SIM1: variants seen among roughly 807,000 people sequenced by gnomAD.
SIM1 encodes the protein single-minded homolog 1.
A neutral mutation model predicts 78.2 loss-of-function variants in SIM1; 18 were observed. The ratio of observed to expected loss-of-function variants is 0.23; its 90% confidence interval spans 0.16 to 0.34. SIM1 has a LOEUF of 0.34. SIM1 is among the 10% of genes least tolerant of loss of function. The pLI is 1.00. For missense variants in SIM1, 939 were observed against 975.1 expected (o/e 0.96, Z 0.49); for synonymous variants, 417 against 385.2 (o/e 1.08, Z -0.97).
chr6:100,458,385 T>A (rs1772743789), intron 2 of SIM1, among the ~76,000 whole-genome samples: 1 of 151,720 alleles, frequency 6.6e-6, no homozygotes, highest in African/African-American at 2.4e-5. Context: ...GAATCCCACT[T>A]AGGTTCTACT....
chr6:100,449,751 G>A, intron 4 of SIM1, 52 bp from the exon 5 acceptor site: 3 of 1,460,754 alleles, frequency 2.1e-6, no homozygotes, highest in Non-Finnish European at 2.9e-6. Context: ...GCCCGGTGAA[G>A]GGACTGAAAG....
At chr6:100,457,002 C>T (rs1772681650) in intron 2 of SIM1, among the ~76,000 whole-genome samples, 2 of 152,142 alleles carry the variant, frequency 1.3e-5, no homozygotes, top group Admixed American at 1.3e-4. Flanking sequence ...CCATTTAGGC[C>T]CGTTCTTGGC....
chr6:100,407,593 C>T (rs1003104024), intron 10 of SIM1, among the ~76,000 whole-genome samples: 1 of 152,116 alleles, frequency 6.6e-6, no homozygotes, highest in South Asian at 2.1e-4. Context: ...CTTTTCTGCA[C>T]ATCTTTGTCA....
intron 9 of SIM1, among the ~76,000 whole-genome samples, chr6:100,421,919 C>T (rs1771598722): frequency 6.6e-6 from 1 of 152,130 alleles, no homozygotes; most frequent in African/African-American, 2.4e-5. Flanking sequence ...CGCTGGGCTG[C>T]CCCTCGGTAA....
At chr6:100,422,656 T>A (rs1361988071) in intron 9 of SIM1, among the ~76,000 whole-genome samples, 1 of 152,016 alleles carries the variant, frequency 6.6e-6, no homozygotes, top group African/African-American at 2.4e-5. Flanking sequence ...TACTTGAAAA[T>A]CGCTAATAGA....
chr6:100,423,447 T>C (rs1771646128), intron 9 of SIM1, among the ~76,000 whole-genome samples: 1 of 152,160 alleles, frequency 6.6e-6, no homozygotes, highest in Non-Finnish European at 1.5e-5. Context: ...CTACCCCTCA[T>C]GAAGAAGGTA....
At position 100,391,108 on chromosome 6, in the gene SIM1, G is replaced by A; in HGVS notation, c.1571-17C>T. The A allele has an allele frequency of 6.4e-7, 1 of 1,555,100 alleles. No homozygotes were observed. ...GACCTCGCCCTAAAAATTAGAAAAA[G>A]TCAAAAGTAAGTGATCTCAGAATTC... On this transcript the variant is annotated splice_polypyrimidine_tract_variant and intron_variant, in intron 11 of 11. Transcript: ENST00000369208.
At chr6:100,453,957 T>C (rs775926824) in intron 2 of SIM1, 113 bp from the exon 3 acceptor site, 16 of 647,540 alleles carry the variant, frequency 2.5e-5, no homozygotes, top group Admixed American at 9.5e-5. Context: ...CTGGATACCA[T>C]AGGGGATCCC....
chr6:100,397,495 C>T (rs1428952241), intron 10 of SIM1, among the ~76,000 whole-genome samples: 2 of 151,974 alleles, frequency 1.3e-5, no homozygotes, highest in Non-Finnish European at 2.9e-5. Flanking sequence ...AAATCTCAAC[C>T]TGAGTGTCAC....
At position 100,412,047 on chromosome 6, in the gene SIM1, C is replaced by A. The variant is rs542495821; in HGVS notation, c.1167+8743G>T. Among the ~76,000 whole-genome samples the A allele has an allele frequency of 2.5e-3, 378 of 152,142 alleles. 3 individuals carry two copies. Among genetic ancestry groups the A allele is most frequent in the Non-Finnish European group, 4.1e-3 (279 of 68,006 alleles). ...AATTATAAATGACCTTGAGGAACAG[C>A]TAGGGCAGTGGTGGGTCTCCAAGTA... is the stretch of plus-strand genomic sequence containing the variant. On this transcript the variant is annotated intron_variant, in intron 10 of 11. Coordinates refer to ENST00000369208, the MANE Select transcript of SIM1 (RefSeq NM_005068.3).
At position 100,461,837 on chromosome 6, in the gene SIM1, CTTTCTT is replaced by C. The variant is rs1376372102; in HGVS notation, c.175+1451_175+1456del. Among the ~76,000 whole-genome samples the C allele has an allele frequency of 6.3e-3, 462 of 72,840 alleles. 9 individuals carry two copies. In the East Asian group the frequency reaches 0.14, roughly 23 times the overall value. 47.8% of individuals were successfully genotyped at this position (72,840 alleles called of 152,430 possible). Reference sequence around the variant, plus strand: ...CTTTTTCTTCTTTTTTTCTTTCTTTCTTTCTTTTTTTTTTTTTTTTTTTAATTTTCA... The same window carrying C: ...CTTTTTCTTCTTTTTTTCTTTCTTTCTTTTTTTTTTTTTTTTTAATTTTCA... On this transcript the variant is annotated intron_variant, in intron 2 of 11. Coordinates refer to ENST00000369208, the MANE Select transcript of SIM1 (RefSeq NM_005068.3).
chr6:100,450,323 C>A lies in SIM1; in HGVS notation c.292G>T (p.Asp98Tyr). The A allele has an allele frequency of 6.2e-7, 1 of 1,614,102 alleles. No homozygotes were observed. Among genetic ancestry groups the A allele is most frequent in the Non-Finnish European group, 8.5e-7 (1 of 1,180,028 alleles). The change falls in exon 4 of 12, where the codon GAT becomes TAT. Residue 98 changes from aspartate to tyrosine, a missense_variant. Around this residue, in one of 5 missense-constraint regions of SIM1, gnomAD observed 121 missense variants for 124.6 expected, o/e 0.97. Coordinates refer to ENST00000369208, the MANE Select transcript of SIM1 (RefSeq NM_005068.3). ...TCTGAGATGTACATGATCTTCCCAT[C>A]TGGGGCTACCACGAAGATGAAGCCA... ...LDGFIFVVAPDGKIMYISETA... is the reference protein window; with the variant it reads ...LDGFIFVVAPYGKIMYISETA...
intron 9 of SIM1, among the ~76,000 whole-genome samples, chr6:100,432,432 T>G (rs77399928): frequency 0.023 from 3,476 of 152,070 alleles, 49 homozygotes; most frequent in East Asian, 0.043. Flanking sequence ...TCTGAGTGGT[T>G]GTTGTTGTTG....
intron 10 of SIM1, among the ~76,000 whole-genome samples, chr6:100,412,707 GAAAGAAAGAAAGAAAGAA>G (rs1771267770): frequency 8.5e-6 from 1 of 117,412 alleles, no homozygotes; most frequent in African/African-American, 3.5e-5. Context: ...AAGAAAGAAA[GAAAGAAAGAAAGAAAGAA>G]AGAAAGAAAG....
At chr6:100,457,721 C>A (rs2114553776) in intron 2 of SIM1, among the ~76,000 whole-genome samples, 1 of 152,370 alleles carries the variant, frequency 6.6e-6, no homozygotes, top group South Asian at 2.1e-4. Flanking sequence ...CGCACCAAGG[C>A]GCACCCGACC....
intron 10 of SIM1, among the ~76,000 whole-genome samples, chr6:100,418,392 T>TAAATAAAAA (rs1562242470): frequency 2.1e-4 from 26 of 123,522 alleles, no homozygotes; most frequent in Non-Finnish European, 3.5e-4. Context: ...ATAAATAAAA[T>TAAATAAAAA]AAAAAATTAA....
intron 2 of SIM1, among the ~76,000 whole-genome samples, chr6:100,456,810 C>T (rs773388902): frequency 6.6e-6 from 1 of 152,196 alleles, no homozygotes; most frequent in African/African-American, 2.4e-5. Flanking sequence ...TGGCTTTACC[C>T]TCCGTGCTTA....
At chr6:100,441,418 C>T (rs1158354918) in intron 9 of SIM1, among the ~76,000 whole-genome samples, 1 of 152,144 alleles carries the variant, frequency 6.6e-6, no homozygotes, top group African/African-American at 2.4e-5. Context: ...TCCTCTCATC[C>T]CATCCCCATG....
chr6:100,395,192 A>T (rs991011143), intron 10 of SIM1, among the ~76,000 whole-genome samples: 1 of 152,164 alleles, frequency 6.6e-6, no homozygotes, highest in Non-Finnish European at 1.5e-5. Context: ...TTGTAAAGAG[A>T]TTACCTACTA....
Sources: gnomAD v4.1 joint callset for allele counts (sites outside exome capture counted in the v4.1 genomes callset) on GRCh38, gnomAD v4.1.1 for gene constraint, gnomAD v4.1.1 regional missense constraint, MANE v1.5 for transcripts, NCBI Gene and HGNC (gene_info 2026-07-23, HGNC 2026-07-21) for gene names.